PEX14: variants seen among roughly 807,000 people sequenced by gnomAD.
The protein encoded by PEX14 is peroxisomal biogenesis factor 14.
Under a neutral mutation model 49.5 loss-of-function variants are expected in PEX14, and 15 were observed. The ratio of observed to expected loss-of-function variants is 0.30; its 90% CI spans 0.20 to 0.47. The LOEUF is 0.47. Among genes scored for constraint, PEX14 ranks in the 20% least tolerant of loss-of-function variants. The probability of loss-of-function intolerance (pLI) is 1.00; values close to 1 mark genes in which losing one functional copy is unlikely to be tolerated. For synonymous variants in PEX14, 210 were observed against 212.7 expected, an observed-to-expected ratio of 0.99 and a Z score of 0.11; for missense variants, 398 against 494.8, an observed-to-expected ratio of 0.80 and a Z score of 1.86.
chr1:10,533,852 A>G (rs1268524082), intron 2 of PEX14, among the ~76,000 whole-genome samples: 3 of 152,260 alleles, frequency 2.0e-5, no homozygotes, highest in Non-Finnish European at 4.4e-5. Context: ...ATTTAAAGAA[A>G]TAAGAGATGC....
chr1:10,495,258 C>G lies in PEX14; in HGVS notation c.37-16C>G. On this transcript the variant is annotated splice_polypyrimidine_tract_variant and intron_variant, in intron 1 of 8. Transcript: ENST00000356607. This position sits in a 1 kb window ranked among gnomAD's most constrained non-coding sequence, Gnocchi z 4.2. ...TGGCACTGTGATCTTATTTTTGTTT[C>G]CATTTTTCTCTGCAGCCAAGCTCTA... 6.2e-7 allele frequency: 1 copy of G among 1,613,588 alleles called. No individual in the cohort carries two copies. Among genetic ancestry groups the G allele is most frequent in the Non-Finnish European group, 8.5e-7 (1 of 1,179,576 alleles).
chr1:10,475,120 C>G (rs953058250), intron 1 of PEX14, 118 bp downstream of exon 1: 13 of 954,724 alleles, frequency 1.4e-5, no homozygotes, highest in African/African-American at 3.2e-5. Flanking sequence ...ACCCCGACCT[C>G]TTGCCCCCTC....
chr1:10,583,382 G>GC (rs1245783917), intron 3 of PEX14, among the ~76,000 whole-genome samples: 34 of 133,706 alleles, frequency 2.5e-4, no homozygotes, highest in Non-Finnish European at 4.6e-4. Context: ...ATTGCACCCA[G>GC]CTTTTTTTTT....
chr1:10,627,411 G>T, intron 8 of PEX14, 48 bp downstream of exon 8: 1 of 1,327,688 alleles, frequency 7.5e-7, no homozygotes, highest in Non-Finnish European at 1.1e-6. Flanking sequence ...CTGGAAAGGA[G>T]GACTGGGAGC....
At chr1:10,587,210 A>C (rs1438901831) in intron 3 of PEX14, among the ~76,000 whole-genome samples, 1 of 152,120 alleles carries the variant, frequency 6.6e-6, no homozygotes, top group Non-Finnish European at 1.5e-5. Flanking sequence ...TAATCCCAGC[A>C]CTTTGGGAGG....
intron 3 of PEX14, among the ~76,000 whole-genome samples, chr1:10,572,968 T>A (rs1198141174): frequency 6.6e-6 from 1 of 152,218 alleles, no homozygotes. Context: ...GCTCCCAGAC[T>A]ACAAAGCTAT....
chr1:10,612,651 A>G (rs1161839170), intron 4 of PEX14, among the ~76,000 whole-genome samples: 1 of 152,042 alleles, frequency 6.6e-6, no homozygotes. Flanking sequence ...CATGTGCTTC[A>G]GGGCCCACCC....
At chr1:10,490,490 G>A (rs1641452125) in intron 1 of PEX14, among the ~76,000 whole-genome samples, 1 of 152,188 alleles carries the variant, frequency 6.6e-6, no homozygotes, top group South Asian at 2.1e-4. Context: ...GGCAGCAGGA[G>A]TGAGAGCACC....
Position 10,623,251 on chromosome 1 carries a change from A to G in PEX14, c.487+130A>G. On this transcript the variant is annotated intron_variant, in intron 6 of 8. Transcript: ENST00000356607. This position sits in a 1 kb window ranked among gnomAD's most constrained non-coding sequence, Gnocchi z 4.4. ...ATTTATCTGCTCTGAGAATCTGTTC[A>G]CATTTGCAAATGAAGCCGCCGTCAT... The G allele has an allele frequency of 1.4e-6, 1 of 700,658 alleles. No homozygotes were observed. 43.4% of individuals were successfully genotyped at this position (700,658 alleles called of 1,614,324 possible).
intron 3 of PEX14, among the ~76,000 whole-genome samples, chr1:10,575,699 A>C (rs1471926460): frequency 1.3e-5 from 2 of 152,194 alleles, no homozygotes; most frequent in Non-Finnish European, 2.9e-5. Context: ...ATGAGCACTT[A>C]ATTTATTTTC....
At chr1:10,550,654 C>T (rs891289556) in intron 3 of PEX14, among the ~76,000 whole-genome samples, 18 of 152,192 alleles carry the variant, frequency 1.2e-4, no homozygotes, top group Admixed American at 1.1e-3. Flanking sequence ...TACATTTGCC[C>T]ATTTAATTTT....
At chr1:10,551,178 A>G (rs569108663) in intron 3 of PEX14, among the ~76,000 whole-genome samples, 15 of 152,322 alleles carry the variant, frequency 9.8e-5, no homozygotes, top group African/African-American at 2.4e-4. Context: ...AAAAATTGCA[A>G]TCATATCATT....
chr1:10,501,467 G>T (rs1641677083), intron 2 of PEX14, among the ~76,000 whole-genome samples: 1 of 151,976 alleles, frequency 6.6e-6, no homozygotes, highest in African/African-American at 2.4e-5. Flanking sequence ...CACCTCGCCC[G>T]GCTTTTTGTA....
chr1:10,569,501 T>G (rs909839819), intron 3 of PEX14, among the ~76,000 whole-genome samples: 2 of 152,320 alleles, frequency 1.3e-5, no homozygotes, highest in African/African-American at 4.8e-5. Flanking sequence ...TGTCAGCCTT[T>G]CCCGATGACT....
chr1:10,531,121 T>G (rs577543776), intron 2 of PEX14, among the ~76,000 whole-genome samples: 1 of 152,162 alleles, frequency 6.6e-6, no homozygotes, highest in African/African-American at 2.4e-5. Flanking sequence ...ACCAGAATTA[T>G]GTTGTCCTAG....
In PEX14 at chr1:10,512,147, A is replaced by AT. The variant is rs1468601420; in HGVS notation, c.84+16826_84+16827insT. On this transcript the variant is annotated intron_variant, in intron 2 of 8. Coordinates refer to ENST00000356607, the MANE Select transcript of PEX14 (RefSeq NM_004565.3). The surrounding 1 kb of genome is among the most constrained non-coding windows in gnomAD (Gnocchi z 4.6). ...GCTAATTTTGGTATTTTTAGTAGAG[A>AT]CAGGGTTTCACCATGTTAGCCAGGA... is the stretch of plus-strand genomic sequence containing the variant. 6.6e-6 allele frequency among the ~76,000 whole-genome samples: 1 copy of AT among 152,046 alleles called. No homozygotes were observed. Among genetic ancestry groups the AT allele is most frequent in the East Asian group, 1.9e-4 (1 of 5,184 alleles).
intron 1 of PEX14, among the ~76,000 whole-genome samples, chr1:10,475,607 T>C (rs1024264086): frequency 6.6e-6 from 1 of 152,048 alleles, no homozygotes; most frequent in South Asian, 2.1e-4. Context: ...CTTCCCTGGG[T>C]TTGGTTTTGT....
chr1:10,541,286 C>T (rs1639002299), intron 3 of PEX14, among the ~76,000 whole-genome samples: 1 of 152,154 alleles, frequency 6.6e-6, no homozygotes, highest in African/African-American at 2.4e-5. Context: ...GTCACCTTAG[C>T]GGTAAAAGCC....
intron 2 of PEX14, among the ~76,000 whole-genome samples, chr1:10,499,942 C>T (rs960222143): frequency 8.5e-5 from 13 of 152,146 alleles, no homozygotes; most frequent in Non-Finnish European, 1.8e-4. Flanking sequence ...TCAGATGGAA[C>T]CTTGTCCAGG....
Sources: allele counts gnomAD v4.1 joint callset (sites outside exome capture counted in the v4.1 genomes callset), GRCh38; gene constraint gnomAD v4.1.1; non-coding constraint Gnocchi (gnomAD v3.1); transcripts MANE v1.5; gene names NCBI Gene and HGNC (gene_info 2026-07-23, HGNC 2026-07-21).